The following DARS2 variants were observed in gnomAD, a reference collection of about 807,000 sequenced individuals.
The protein encoded by DARS2 is aspartate--tRNA ligase, mitochondrial.
DARS2 carries 63 observed loss-of-function variants against 83.0 expected under a neutral mutation model. The observed-to-expected ratio is 0.76, with a 90% CI of 0.62 to 0.94. The LOEUF is 0.94. Among genes scored for constraint, DARS2 ranks in the 40% least tolerant of loss-of-function variants. The pLI, the probability that DARS2 is intolerant of heterozygous loss-of-function variation, is 0.00. For missense variants in DARS2, 675 were observed against 774.4 expected (o/e 0.87, Z 1.52); for synonymous variants, 250 against 269.3 (o/e 0.93, Z 0.70).
At chr1:173,834,732 GTTT>G in intron 7 of DARS2, among the ~76,000 whole-genome samples, 2,169 of 21,664 alleles carry the variant, frequency 0.1, 48 homozygotes, top group East Asian at 0.15. Flanking sequence ...GAGTTTTTTT[GTTT>G]TTTTTTTTTT....
chr1:173,855,527 T>C (rs531002804), intron 15 of DARS2, among the ~76,000 whole-genome samples: 16 of 152,302 alleles, frequency 1.1e-4, no homozygotes, highest in African/African-American at 3.6e-4. Flanking sequence ...TAGAGTGCAA[T>C]GGCATGATCA....
At chr1:173,825,758 C>T (rs1012288514) in intron 1 of DARS2, among the ~76,000 whole-genome samples, 2 of 151,098 alleles carry the variant, frequency 1.3e-5, no homozygotes, top group Non-Finnish European at 2.9e-5. Context: ...CGTGAGCCAC[C>T]GCGCCCGGCT....
At chr1:173,857,385 T>G in intron 16 of DARS2, 133 bp from the exon 17 acceptor site, 1 of 844,528 alleles carries the variant, frequency 1.2e-6, no homozygotes, top group Non-Finnish European at 1.9e-6. Flanking sequence ...TCTAAAAAGG[T>G]AGGGAACGAT....
At chr1:173,825,508 G>A in intron 1 of DARS2, 152 bp downstream of exon 1, 1 of 557,008 alleles carries the variant, frequency 1.8e-6, no homozygotes, top group Non-Finnish European at 2.5e-6. Flanking sequence ...TCGCTCTGCT[G>A]CCCAGGCTAG....
At position 173,857,576 on chromosome 1, in the gene DARS2, C is replaced by T. The variant is rs1366592703; in HGVS notation, c.1809C>T (p.Ala603=). Residue 603 remains alanine, a synonymous_variant, in exon 17 of 17, where the codon GCC becomes GCT. Transcript: ENST00000649689. ...TGSPSIRDVI[A]FPKSFRGHDL... is the part of the protein sequence containing the mutation. ...CTCCAAGCATCAGAGATGTCATAGC[C>T]TTCCCAAAGTCCTTCCGGGGACATG... 1.2e-6 allele frequency: 2 copies of T among 1,614,172 alleles called. No individual in the cohort carries two copies. The highest frequency in any genetic ancestry group is 1.7e-6 in the Non-Finnish European group (2 of 1,180,034).
At chr1:173,850,283 CAAAAA>C in intron 12 of DARS2, 39 bp from the exon 13 acceptor site, 1 of 1,368,450 alleles carries the variant, frequency 7.3e-7, no homozygotes, top group African/African-American at 1.7e-5. Flanking sequence ...TCCCACTGTT[CAAAAA>C]AAAAAAAAAA....
rs775496466 is a variant in DARS2 at position 173,834,536 on chromosome 1, A to C, written c.663+17A>C. 6.3e-7 allele frequency: 1 copy of C among 1,580,176 alleles called. No individual in the cohort carries two copies. The highest frequency in any genetic ancestry group is 8.7e-7 in the Non-Finnish European group (1 of 1,149,448). ...ACCCCAGGGGTATGTATATTCCTTC[A>C]ATCAGTCTATTAATAATGTCCTATT... is the stretch of plus-strand genomic sequence containing the variant. On this transcript the variant is annotated intron_variant, in intron 7 of 16. Coordinates refer to ENST00000649689, the MANE Select transcript of DARS2 (RefSeq NM_018122.5).
chr1:173,857,015 G>A (rs1411477040), intron 16 of DARS2, among the ~76,000 whole-genome samples: 1 of 152,082 alleles, frequency 6.6e-6, no homozygotes, highest in East Asian at 1.9e-4. Flanking sequence ...CCTCACATAC[G>A]CACTCATTGG....
intron 12 of DARS2, among the ~76,000 whole-genome samples, chr1:173,846,593 G>C (rs1351256846): frequency 6.6e-6 from 1 of 151,548 alleles, no homozygotes; most frequent in African/African-American, 2.4e-5. Flanking sequence ...AGAAGTTTGA[G>C]ACCAGCCTGG....
intron 12 of DARS2, among the ~76,000 whole-genome samples, chr1:173,849,835 C>G (rs919896516): frequency 6.6e-6 from 1 of 151,550 alleles, no homozygotes; most frequent in East Asian, 1.9e-4. Context: ...CATCCCCTCC[C>G]CCTTTTTTTC....
At chr1:173,845,543 T>A (rs1337326724) in intron 12 of DARS2, among the ~76,000 whole-genome samples, 2 of 152,238 alleles carry the variant, frequency 1.3e-5, no homozygotes, top group Non-Finnish European at 2.9e-5. Context: ...GCAATGCTCC[T>A]GCCTCTTTCT....
chr1:173,834,782 GTT>G (rs558344998), intron 7 of DARS2, among the ~76,000 whole-genome samples: 2 of 26,768 alleles, frequency 7.5e-5, no homozygotes, highest in South Asian at 2.5e-3. Flanking sequence ...TTTTTTTTTT[GTT>G]TTTTTTTTTT....
chr1:173,839,977 A>T (rs1191586323), intron 10 of DARS2, among the ~76,000 whole-genome samples: 1 of 152,202 alleles, frequency 6.6e-6, no homozygotes, highest in African/African-American at 2.4e-5. Flanking sequence ...GGTAGAATTT[A>T]TATAGAACAG....
At chr1:173,828,706 T>G (rs1255561446) in intron 3 of DARS2, among the ~76,000 whole-genome samples, 1 of 152,196 alleles carries the variant, frequency 6.6e-6, no homozygotes, top group Non-Finnish European at 1.5e-5. Context: ...AATTGTCATT[T>G]TTAACACATT....
chr1:173,842,317 T>TG lies in DARS2; in HGVS notation c.1128+1344_1128+1345insG, dbSNP rs1304745729. ...TTTTTTTTTTTTTTTTTTTTTTTTT[T>TG]AGAGTGAGTCTTGCTCTGTCGCCCA... On this transcript the variant is annotated intron_variant, in intron 11 of 16. Transcript: ENST00000649689. Among the ~76,000 whole-genome samples the TG allele has an allele frequency of 5.7e-4, 67 of 116,622 alleles. 7 individuals are homozygous for TG. Among genetic ancestry groups the TG allele is most frequent in the African/African-American group, 2.6e-3 (62 of 23,534 alleles). 76.5% of individuals were successfully genotyped at this position (116,622 alleles called of 152,430 possible).
At chr1:173,847,234 C>T (rs562025414) in intron 12 of DARS2, among the ~76,000 whole-genome samples, 20 of 151,954 alleles carry the variant, frequency 1.3e-4, no homozygotes, top group Admixed American at 2.6e-4. Context: ...TTTTCTCTGT[C>T]GGCGGTGGGG....
At chr1:173,834,292 T>C (rs530380078) in intron 6 of DARS2, among the ~76,000 whole-genome samples, 181 bp from the exon 7 acceptor site, 6 of 152,358 alleles carry the variant, frequency 3.9e-5, no homozygotes, top group Admixed American at 3.9e-4. Context: ...ATAGTATTTA[T>C]GAAAATCTTC....
chr1:173,830,285 C>A lies in DARS2; in HGVS notation c.295-375C>A, dbSNP rs150840985. On this transcript the variant is annotated intron_variant, in intron 3 of 16. Transcript: ENST00000649689. Reference sequence around the variant, plus strand: ...AACATCCAGAGATGAGTATAGCTAACCCTGGAGAACTCCTTTGACTCTGAC... The same window carrying A: ...AACATCCAGAGATGAGTATAGCTAAACCTGGAGAACTCCTTTGACTCTGAC... 1.1e-3 allele frequency among the ~76,000 whole-genome samples: 175 copies of A among 152,200 alleles called. 1 individual carries two copies. The highest frequency in any genetic ancestry group is 4.0e-3 in the African/African-American group (167 of 41,528).
chr1:173,846,865 A>C (rs945097042), intron 12 of DARS2, among the ~76,000 whole-genome samples: 2 of 152,236 alleles, frequency 1.3e-5, no homozygotes, highest in African/African-American at 4.8e-5. Context: ...TAATTAAATT[A>C]TGCTATAATC....
Sources: gnomAD v4.1 joint callset for allele counts (sites outside exome capture counted in the v4.1 genomes callset) on GRCh38, gnomAD v4.1.1 for gene constraint, MANE v1.5 for transcripts, NCBI Gene and HGNC (gene_info 2026-07-23, HGNC 2026-07-21) for gene names.